The following LMO3 variants were observed in gnomAD, a reference collection of about 807,000 sequenced individuals.
LMO3 encodes the protein LIM domain only protein 3.
LMO3 carries 2 observed loss-of-function variants against 15.8 expected under a neutral mutation model. The ratio of observed to expected loss-of-function variants is 0.13; its 90% CI spans 0.05 to 0.40. LMO3 has a LOEUF of 0.40. Ranked by LOEUF, LMO3 falls within the 10% of genes least tolerant of loss-of-function variation. The probability of loss-of-function intolerance (pLI) is 0.99; values close to 1 mark genes in which losing one functional copy is unlikely to be tolerated. For missense variants in LMO3, 86 were observed against 182.2 expected, an observed-to-expected ratio of 0.47 and a Z score of 3.04; for synonymous variants, 62 against 63.8, an observed-to-expected ratio of 0.97 and a Z score of 0.13.
intron 3 of LMO3, among the ~76,000 whole-genome samples, chr12:16,553,165 G>C (rs1942056315): frequency 6.6e-6 from 1 of 152,062 alleles, no homozygotes; most frequent in East Asian, 1.9e-4. Context: ...AACCTAGAAA[G>C]TAAGCATTGT....
chr12:16,554,340 T>C (rs1263866482), intron 3 of LMO3, among the ~76,000 whole-genome samples: 1 of 152,248 alleles, frequency 6.6e-6, no homozygotes, highest in African/African-American at 2.4e-5. Flanking sequence ...ACAATTATGA[T>C]TAATTTCTAT....
At position 16,589,814 on chromosome 12, in the gene LMO3, C is replaced by T. The variant is rs1276534189; in HGVS notation, c.206+10841G>A. Among the ~76,000 whole-genome samples the T allele has an allele frequency of 6.6e-6, 1 of 152,040 alleles. No individual in the cohort carries two copies. Among genetic ancestry groups the T allele is most frequent in the East Asian group, 1.9e-4 (1 of 5,180 alleles). ...CAAGAAAAGCATCTGCCAGGAAGAA[C>T]AGAGGGGGACTGTTAGAAATTGTAA... On this transcript the variant is annotated intron_variant, in intron 2 of 3. Coordinates refer to ENST00000537304, the MANE Select transcript of LMO3 (RefSeq NM_018640.5). This position sits in a 1 kb window ranked among gnomAD's most constrained non-coding sequence, Gnocchi z 4.2.
At chr12:16,578,389 G>A (rs994599584) in intron 2 of LMO3, among the ~76,000 whole-genome samples, 3 of 152,176 alleles carry the variant, frequency 2.0e-5, no homozygotes, top group Admixed American at 2.0e-4. Context: ...GAGGGAGAAA[G>A]GGGAGGGGTC....
At chr12:16,563,803 A>G (rs1942487953) in intron 2 of LMO3, among the ~76,000 whole-genome samples, 1 of 152,212 alleles carries the variant, frequency 6.6e-6, no homozygotes, top group Non-Finnish European at 1.5e-5. Context: ...ATCTAAATTA[A>G]TCACAGCATA....
At position 16,564,549 on chromosome 12, in the gene LMO3, A is replaced by T. The variant is rs566084200; in HGVS notation, c.207-4011T>A. On this transcript the variant is annotated intron_variant, in intron 2 of 3. Coordinates refer to ENST00000537304, the MANE Select transcript of LMO3 (RefSeq NM_018640.5). Reference sequence around the variant, plus strand: ...AGGCATCAGGGGAAAATGAGTGTTCATTGTATTAGTGTCTTTTATTTCACA... The same window carrying T: ...AGGCATCAGGGGAAAATGAGTGTTCTTTGTATTAGTGTCTTTTATTTCACA... 1.9e-4 allele frequency among the ~76,000 whole-genome samples: 29 copies of T among 152,276 alleles called. No individual in the cohort carries two copies. In the South Asian group the frequency reaches 6.0e-3, roughly 32 times the overall value.
intron 2 of LMO3, among the ~76,000 whole-genome samples, chr12:16,590,678 G>A (rs2137616903): frequency 6.6e-6 from 1 of 151,958 alleles, no homozygotes; most frequent in South Asian, 2.1e-4. Flanking sequence ...TCTCATAAAT[G>A]CTGTGTTGGC....
chr12:16,558,135 A>T (rs1207546852), intron 3 of LMO3, among the ~76,000 whole-genome samples: 1 of 152,088 alleles, frequency 6.6e-6, no homozygotes, highest in East Asian at 1.9e-4. Flanking sequence ...CCAAATATCA[A>T]ACATTAGGAT....
At chr12:16,556,234 C>T (rs1301960320) in intron 3 of LMO3, among the ~76,000 whole-genome samples, 1 of 152,120 alleles carries the variant, frequency 6.6e-6, no homozygotes, top group Non-Finnish European at 1.5e-5. Flanking sequence ...GGAGAAGGGG[C>T]TTATTCACCT....
At chr12:16,567,763 T>C (rs532856603) in intron 2 of LMO3, among the ~76,000 whole-genome samples, 3 of 152,156 alleles carry the variant, frequency 2.0e-5, no homozygotes, top group Admixed American at 1.3e-4. Context: ...AAGTTGGTAT[T>C]TTAAGAGAAT....
At chr12:16,571,505 G>A (rs187252318) in intron 2 of LMO3, among the ~76,000 whole-genome samples, 3 of 151,882 alleles carry the variant, frequency 2.0e-5, no homozygotes, top group Non-Finnish European at 2.9e-5. Context: ...TAAAAGCAAG[G>A]GTATTCATAT....
upstream of LMO3, chr12:16,609,973 T>C (rs1169557081): frequency 6.6e-6 from 1 of 151,038 alleles, no homozygotes; most frequent in African/African-American, 2.4e-5. Flanking sequence ...AGGCAAAGGA[T>C]AGCACACCCT....
chr12:16,565,084 C>T (rs11056996), intron 2 of LMO3, among the ~76,000 whole-genome samples: 39,384 of 151,898 alleles, frequency 0.26, 6,221 homozygotes, highest in South Asian at 0.39. Flanking sequence ...CCACTATGCC[C>T]GGTCTAGTAT....
intron 2 of LMO3, among the ~76,000 whole-genome samples, chr12:16,563,334 G>T (rs1020162806): frequency 6.6e-6 from 1 of 152,080 alleles, no homozygotes; most frequent in Non-Finnish European, 1.5e-5. Flanking sequence ...ACAAACCCAG[G>T]ATTCTCTGGG....
Position 16,550,741 on chromosome 12 carries a change from T to A in LMO3, c.*481A>T, listed in dbSNP as rs146529658. ...TCTATCTGTGTATCATTAGTGAGAT[T>A]TGCTTTTCAATTCTTTACTAGAAAG... On this transcript the variant is annotated 3_prime_UTR_variant, in exon 4 of 4. Coordinates refer to ENST00000537304, the MANE Select transcript of LMO3 (RefSeq NM_018640.5). 1 of 153,972 alleles carries A rather than the reference T, an allele frequency of 6.5e-6. No individual in the cohort carries two copies. Among genetic ancestry groups the A allele is most frequent in the African/African-American group, 2.4e-5 (1 of 41,436 alleles). 9.5% of individuals were successfully genotyped at this position (153,972 alleles called of 1,614,324 possible).
At chr12:16,565,305 T>A (rs1289911325) in intron 2 of LMO3, among the ~76,000 whole-genome samples, 1 of 152,236 alleles carries the variant, frequency 6.6e-6, no homozygotes, top group Non-Finnish European at 1.5e-5. Context: ...TTTCACAGAT[T>A]GAAGGACAAT....
At chr12:16,595,090 G>C (rs1049583830) in intron 2 of LMO3, among the ~76,000 whole-genome samples, 1 of 151,354 alleles carries the variant, frequency 6.6e-6, no homozygotes, top group Non-Finnish European at 1.5e-5. Flanking sequence ...GCTAAGTCAG[G>C]TATGTCTAAC....
Position 16,582,911 on chromosome 12 carries a change from G to C in LMO3, c.206+17744C>G, listed in dbSNP as rs1449175450. On this transcript the variant is annotated intron_variant, in intron 2 of 3. Transcript: ENST00000537304. This position sits in a 1 kb window ranked among gnomAD's most constrained non-coding sequence, Gnocchi z 4.1. ...AAAATAAAAAAATTAGCCGGGAGTG[G>C]TGGCATGCACCTGTAATCCCAGCTA... Among the ~76,000 whole-genome samples, 1 of 152,022 alleles carries C rather than the reference G, an allele frequency of 6.6e-6. No homozygotes were observed. The highest frequency in any genetic ancestry group is 6.6e-5 in the Admixed American group (1 of 15,252).
intron 2 of LMO3, among the ~76,000 whole-genome samples, chr12:16,580,574 A>G (rs1943128773): frequency 6.6e-6 from 1 of 152,224 alleles, no homozygotes; most frequent in African/African-American, 2.4e-5. Context: ...AGGATCAGGT[A>G]GTAGATTATA....
chr12:16,604,859 C>A lies in LMO3; in HGVS notation c.-9+1207G>T, dbSNP rs1042941043. ...AAAGTGCATCTATGATAGACTGTAA[C>A]CTTACCAAAACTTTTCTCCTTTTTC... is the stretch of plus-strand genomic sequence containing the variant. On this transcript the variant is annotated intron_variant, in intron 1 of 3. Coordinates refer to ENST00000537304, the MANE Select transcript of LMO3 (RefSeq NM_018640.5). The surrounding 1 kb of genome is among the most constrained non-coding windows in gnomAD (Gnocchi z 5.3). The A allele has an allele frequency of 3.0e-5, 48 of 1,598,264 alleles. No homozygotes were observed. Among genetic ancestry groups the A allele is most frequent in the African/African-American group, 5.3e-5 (4 of 74,922 alleles).
Sources: allele counts gnomAD v4.1 joint callset (sites outside exome capture counted in the v4.1 genomes callset), GRCh38; gene constraint gnomAD v4.1.1; non-coding constraint Gnocchi (gnomAD v3.1); transcripts MANE v1.5; gene names NCBI Gene and HGNC (gene_info 2026-07-23, HGNC 2026-07-21).